The following LYPD5 variants were observed in gnomAD, a reference collection of about 807,000 sequenced individuals.
LYPD5 encodes the protein ly6/PLAUR domain-containing protein 5.
Under a neutral mutation model 19.1 loss-of-function variants are expected in LYPD5, and 21 were observed. That is an observed-to-expected ratio of 1.10 (90% CI 0.78 to 1.58). LYPD5 has a LOEUF of 1.58. LYPD5 is among the 40% of genes most tolerant of loss of function. The pLI is 0.00. For missense variants in LYPD5, 287 were observed against 329.8 expected (o/e 0.87, Z 1.00); for synonymous variants, 128 against 142.7 (o/e 0.90, Z 0.74).
At chr19:43,808,270 T>G (rs1042618906) in intron 1 of LYPD5, among the ~76,000 whole-genome samples, 3 of 152,148 alleles carry the variant, frequency 2.0e-5, no homozygotes, top group African/African-American at 7.2e-5. Context: ...CACGCCTGGC[T>G]AATTTTTGTA....
At chr19:43,809,466 C>A (rs1459590965) in intron 1 of LYPD5, among the ~76,000 whole-genome samples, 1 of 152,104 alleles carries the variant, frequency 6.6e-6, no homozygotes, top group Admixed American at 6.5e-5. Context: ...CTGCAACCTT[C>A]GCCTCCCGGG....
upstream of LYPD5, chr19:43,802,464 G>T: frequency 7.7e-7 from 1 of 1,295,738 alleles, no homozygotes; most frequent in Non-Finnish European, 1.1e-6. Context: ...TAAGCATCCC[G>T]GCCACCCAGC....
At chr19:43,799,586 T>C in intron 2 of LYPD5, 120 bp downstream of exon 2, 1 of 1,122,146 alleles carries the variant, frequency 8.9e-7, no homozygotes, top group South Asian at 1.6e-5. Context: ...TTCCTCTCCC[T>C]CCCCATCTTT....
rs757033840 is a variant in LYPD5 at position 43,798,780 on chromosome 19, C to G, written c.370+32G>C. The G allele has an allele frequency of 3.8e-6, 6 of 1,586,756 alleles. No homozygotes were observed. In the African/African-American group the frequency reaches 6.7e-5, roughly 18 times the overall value. Reference sequence around the variant, plus strand: ...GAGGCTGCCAGGCCTCTCATCGTCCCTCCCGGAGCCCAGCCCCGCTCTCCC... The same window carrying G: ...GAGGCTGCCAGGCCTCTCATCGTCCGTCCCGGAGCCCAGCCCCGCTCTCCC... On this transcript the variant is annotated intron_variant, in intron 3 of 4. Coordinates refer to ENST00000377950, the MANE Select transcript of LYPD5 (RefSeq NM_001031749.3).
At chr19:43,812,076 C>G (rs962864321) in intron 1 of LYPD5, among the ~76,000 whole-genome samples, 1 of 152,140 alleles carries the variant, frequency 6.6e-6, no homozygotes, top group African/African-American at 2.4e-5. Context: ...ACTCACAAGA[C>G]TGGCTGTCAG....
In LYPD5 at chr19:43,816,349, G is replaced by A. The variant is rs145482778; in HGVS notation, c.-66+4191C>T. Among the ~76,000 whole-genome samples, 5 of 152,246 alleles carry A rather than the reference G, an allele frequency of 3.3e-5. No individual in the cohort carries two copies. In the East Asian group the frequency reaches 9.6e-4, roughly 29 times the overall value. ...ACTTCCTGATCACCAGGTCAAATTAGCATGATTTTATTGGTGGAATGAACC... is the reference window on the plus strand; with the variant it reads ...ACTTCCTGATCACCAGGTCAAATTAACATGATTTTATTGGTGGAATGAACC... On this transcript the variant is annotated intron_variant, in intron 1 of 4. Coordinates refer to the LYPD5 transcript ENST00000414615.
At chr19:43,804,692 C>A (rs895633367), upstream of LYPD5, among the ~76,000 whole-genome samples, 5 of 152,172 alleles carry the variant, frequency 3.3e-5, no homozygotes, top group African/African-American at 9.7e-5. Context: ...GTTTTGCATA[C>A]AAATTATTCT....
At chr19:43,809,817 T>C (rs1250639440) in intron 1 of LYPD5, among the ~76,000 whole-genome samples, 3 of 152,254 alleles carry the variant, frequency 2.0e-5, no homozygotes, top group Non-Finnish European at 2.9e-5. Flanking sequence ...TTAGGGACTT[T>C]AACAAAATGT....
rs537202708 is a variant in LYPD5, at chr19:43,809,727, C to T, written c.-65-9893G>A. ...GATTTAAACATAGAATTCAACAATT[C>T]CAGTCTGGTAGAGTAAATAATTAGA... On this transcript the variant is annotated intron_variant, in intron 1 of 4. Coordinates refer to the LYPD5 transcript ENST00000414615. Among the ~76,000 whole-genome samples the T allele has an allele frequency of 3.3e-5, 5 of 152,314 alleles. No individual in the cohort carries two copies. The South Asian group carries it at 1.0e-3, about 32-fold the overall frequency.
Position 43,800,716 on chromosome 19 carries a change from C to T in LYPD5, c.65-882G>A, listed in dbSNP as rs561549007. Among the ~76,000 whole-genome samples the T allele has an allele frequency of 1.6e-3, 246 of 152,272 alleles. 1 individual carries two copies. The highest frequency in any genetic ancestry group is 5.7e-3 in the African/African-American group (236 of 41,548). Reference sequence around the variant, plus strand: ...GTGGCTCATGCCTATAATCCCAGCACTTTGGGAGGCTGAAGCAGGAGGATC... The same window carrying T: ...GTGGCTCATGCCTATAATCCCAGCATTTTGGGAGGCTGAAGCAGGAGGATC... On this transcript the variant is annotated intron_variant, in intron 1 of 4. Coordinates refer to ENST00000377950, the MANE Select transcript of LYPD5 (RefSeq NM_001031749.3).
At chr19:43,800,993 T>A (rs868369254) in intron 1 of LYPD5, among the ~76,000 whole-genome samples, 1 of 134,750 alleles carries the variant, frequency 7.4e-6, no homozygotes, top group African/African-American at 2.8e-5. Flanking sequence ...AAATCACATA[T>A]GGATACAAAA....
intron 1 of LYPD5, among the ~76,000 whole-genome samples, chr19:43,819,348 G>T (rs1336593292): frequency 1.5e-5 from 2 of 132,018 alleles, no homozygotes; most frequent in African/African-American, 5.7e-5. Flanking sequence ...GTAGTGGCAT[G>T]ATCTCAGCTC....
Position 43,798,613 on chromosome 19 carries a change from G to C in LYPD5, c.371-12C>G. The C allele has an allele frequency of 6.2e-7, 1 of 1,609,820 alleles. No homozygotes were observed. Among genetic ancestry groups the C allele is most frequent in the Middle Eastern group, 1.7e-4 (1 of 6,050 alleles). ...CGGCGGGTCGGGTGCTGGCAAGAGA[G>C]CGTAGATGCACACTCAGGCAGTGGT... is the stretch of plus-strand genomic sequence containing the variant. On this transcript the variant is annotated splice_polypyrimidine_tract_variant and intron_variant, in intron 3 of 4. Coordinates refer to ENST00000377950, the MANE Select transcript of LYPD5 (RefSeq NM_001031749.3).
At chr19:43,798,717 G>C in intron 3 of LYPD5, 95 bp downstream of exon 3, 2 of 1,569,058 alleles carry the variant, frequency 1.3e-6, no homozygotes, top group East Asian at 2.3e-5. Flanking sequence ...ATCCTAGCGC[G>C]CCAAGAGCAG....
intron 1 of LYPD5, among the ~76,000 whole-genome samples, chr19:43,819,414 G>C (rs1469810422): frequency 6.6e-6 from 1 of 151,368 alleles, no homozygotes; most frequent in Non-Finnish European, 1.5e-5. Flanking sequence ...CCTCCCGAGG[G>C]GTCTAGGAGA....
At chr19:43,799,344 A>G (rs979700668) in intron 2 of LYPD5, among the ~76,000 whole-genome samples, 3 of 152,148 alleles carry the variant, frequency 2.0e-5, no homozygotes, top group Non-Finnish European at 4.4e-5. Flanking sequence ...CCCGGATTCA[A>G]GCGATTCTCG....
intron 1 of LYPD5, among the ~76,000 whole-genome samples, chr19:43,818,729 C>T (rs1253458641): frequency 6.6e-6 from 1 of 152,128 alleles, no homozygotes; most frequent in African/African-American, 2.4e-5. Flanking sequence ...AACAAGTTTC[C>T]AGAGGCCCCA....
upstream of LYPD5, among the ~76,000 whole-genome samples, chr19:43,803,106 CAT>C (rs1377299675): frequency 1.3e-5 from 2 of 152,086 alleles, no homozygotes; most frequent in African/African-American, 2.4e-5. Context: ...AGCAATTACA[CAT>C]GAGATGCAGA....
In LYPD5 at chr19:43,797,716, A is replaced by G. The variant is rs573458090; in HGVS notation, c.631T>C (p.Tyr211His). ...IDLQGSCCEG[Y>H]LCNRKSMTQP... Reference sequence around the variant, plus strand: ...GTCATGGATTTCCTGTTGCAGAGGTACCCCTCACAGCAGGAGCCCTGGAGG... The same window carrying G: ...GTCATGGATTTCCTGTTGCAGAGGTGCCCCTCACAGCAGGAGCCCTGGAGG... Residue 211 changes from tyrosine (Y) to histidine (H), a missense_variant, in exon 5 of 5, where the codon TAC becomes CAC. Tyr to His is a moderately conservative substitution (Grantham distance 83, BLOSUM62 2). Transcript: ENST00000377950. 1 of 1,612,894 alleles carries G rather than the reference A, an allele frequency of 6.2e-7. No homozygotes were observed. The highest frequency in any genetic ancestry group is 1.7e-5 in the Admixed American group (1 of 59,866).
Sources: gnomAD v4.1 joint callset for allele counts (sites outside exome capture counted in the v4.1 genomes callset) on GRCh38, gnomAD v4.1.1 for gene constraint, MANE v1.5 for transcripts, NCBI Gene and HGNC (gene_info 2026-07-23, HGNC 2026-07-21) for gene names.